The following IFT20 variants were observed in gnomAD, a reference collection of about 807,000 sequenced individuals.
IFT20 encodes intraflagellar transport 20, also known as intraflagellar transport protein 20 homolog.
A neutral mutation model predicts 16.9 loss-of-function variants in IFT20; 4 were observed. The observed-to-expected ratio is 0.24, with a 90% CI of 0.12 to 0.54. The LOEUF (loss-of-function observed/expected upper bound fraction) is 0.54, where lower values mean the gene tolerates loss of function less well. Among genes scored for constraint, IFT20 ranks in the 20% least tolerant of loss-of-function variants. The pLI, the probability that IFT20 is intolerant of heterozygous loss-of-function variation, is 0.95. For synonymous variants in IFT20, 48 were observed against 49.9 expected, an observed-to-expected ratio of 0.96 and a Z score of 0.16; for missense variants, 154 against 149.7, an observed-to-expected ratio of 1.03 and a Z score of -0.15.
At chr17:28,332,145 C>A (rs1400251809) in intron 1 of IFT20, 158 bp from the exon 2 acceptor site, 2 of 1,549,578 alleles carry the variant, frequency 1.3e-6, no homozygotes, top group Non-Finnish European at 1.7e-6. Flanking sequence ...CTGAGCCTCA[C>A]CTGTTTCCCA....
intron 3 of IFT20, 86 bp from the exon 4 acceptor site, chr17:28,329,362 C>G (rs1314150329): frequency 2.0e-6 from 2 of 1,011,222 alleles, no homozygotes; most frequent in African/African-American, 3.2e-5. Flanking sequence ...TATCTGGGAG[C>G]TGTGTCAGTC....
At position 28,335,325 on chromosome 17, in the gene IFT20, C is replaced by A. The variant is rs149487799; in HGVS notation, c.-3+15G>T. On this transcript the variant is annotated intron_variant, in intron 1 of 4. Transcript: ENST00000395418. Reference sequence around the variant, plus strand: ...CCCTGGTCCGCCCGCGTCCCCCGACCCGAGGTCAGCCTACCTGCCGGCCCC... The same window carrying A: ...CCCTGGTCCGCCCGCGTCCCCCGACACGAGGTCAGCCTACCTGCCGGCCCC... The A allele has an allele frequency of 6.6e-6, 1 of 152,292 alleles. No homozygotes were observed. Among genetic ancestry groups the A allele is most frequent in the Non-Finnish European group, 1.5e-5 (1 of 68,108 alleles). The allele number at this position is 152,292 out of a possible 1,614,324, so 9.4% of individuals were successfully genotyped here. A position where few individuals can be genotyped will look rare whatever the true frequency, so the allele number is the denominator to read the frequency against.
At chr17:28,332,213 G>T (rs1478931189) in intron 1 of IFT20, 6 of 1,536,308 alleles carry the variant, frequency 3.9e-6, no homozygotes, top group Non-Finnish European at 5.2e-6. Context: ...TCAGGAGGAG[G>T]TGTGTCATAG....
chr17:28,331,569 T>C (rs1268999731), intron 2 of IFT20: 3 of 376,782 alleles, frequency 8.0e-6, no homozygotes, highest in Admixed American at 4.0e-5. Context: ...ACCCAAGCCA[T>C]GGTTGTGTTC....
intron 1 of IFT20, among the ~76,000 whole-genome samples, chr17:28,334,885 C>T (rs1271203996): frequency 6.6e-6 from 1 of 152,166 alleles, no homozygotes; most frequent in East Asian, 1.9e-4. Context: ...GCTTGGCCCA[C>T]CTATCTGATT....
Position 28,332,003 on chromosome 17 carries a change from C to G in IFT20, c.-2-16G>C, listed in dbSNP as rs371663687. On this transcript the variant is annotated splice_polypyrimidine_tract_variant and intron_variant, in intron 1 of 4. Coordinates refer to ENST00000395418, the MANE Select transcript of IFT20 (RefSeq NM_001267776.2). ...TTGGCCATGGCTGTAAAGAAACAGG[C>G]CCAATTCCTCATCACTTCCCAGCCA... is the stretch of plus-strand genomic sequence containing the variant. The G allele has an allele frequency of 1.7e-4, 267 of 1,614,126 alleles. No homozygotes were observed. The African/African-American group carries it at 3.2e-3, about 19-fold the overall frequency.
intron 1 of IFT20, chr17:28,332,235 A>G (rs1906838912): frequency 1.3e-6 from 2 of 1,534,538 alleles, no homozygotes; most frequent in African/African-American, 2.7e-5. Flanking sequence ...AGCAAGGGTC[A>G]GGAAAGAATA....
intron 2 of IFT20, among the ~76,000 whole-genome samples, chr17:28,331,195 C>T (rs553414930): frequency 6.6e-6 from 1 of 152,350 alleles, no homozygotes; most frequent in South Asian, 2.1e-4. Context: ...CTGGATGTGA[C>T]AATTTACTGA....
chr17:28,329,086 A>C, intron 4 of IFT20, 87 bp downstream of exon 4: 1 of 867,568 alleles, frequency 1.2e-6, no homozygotes, highest in Non-Finnish European at 1.9e-6. Flanking sequence ...AACAATGATG[A>C]AGAATAAGGA....
chr17:28,334,960 T>C (rs1907043205), intron 1 of IFT20, among the ~76,000 whole-genome samples: 1 of 151,752 alleles, frequency 6.6e-6, no homozygotes, highest in African/African-American at 2.4e-5. Context: ...GTTCACAGAT[T>C]ATCTACCAAC....
intron 4 of IFT20, 85 bp from the exon 5 acceptor site, chr17:28,328,818 T>C (rs1597783497): frequency 1.2e-6 from 1 of 855,430 alleles, no homozygotes; most frequent in East Asian, 2.4e-5. Flanking sequence ...TATAGAGGTT[T>C]AAATGATTTC....
rs1906477288 is a variant in IFT20, at chr17:28,328,515, A to G, written c.*137T>C. ...CCCCCAGACTTGTAGTGCTGTCTTC[A>G]GGGGGCTGCATTCCTTACACGCCAC... On this transcript the variant is annotated 3_prime_UTR_variant, in exon 5 of 5. Transcript: ENST00000395418. 12 of 669,880 alleles carry G rather than the reference A, an allele frequency of 1.8e-5. 1 individual carries two copies. In the Admixed American group the frequency reaches 3.1e-4, roughly 17 times the overall value. The allele number at this position is 669,880 out of a possible 1,614,324, so 41.5% of individuals were successfully genotyped here.
intron 4 of IFT20, 70 bp downstream of exon 4, chr17:28,329,103 G>T: frequency 9.8e-7 from 1 of 1,018,860 alleles, no homozygotes; most frequent in Non-Finnish European, 1.5e-6. Context: ...AGGACAAGAA[G>T]TGATCATTCC....
chr17:28,335,047 G>C (rs950006184), intron 1 of IFT20, among the ~76,000 whole-genome samples: 1 of 152,194 alleles, frequency 6.6e-6, no homozygotes, highest in Admixed American at 6.5e-5. Flanking sequence ...AGCATGAGGC[G>C]GTGGCATACT....
intron 1 of IFT20, among the ~76,000 whole-genome samples, chr17:28,333,072 A>AACACAC (rs56753724): frequency 0.027 from 3,969 of 144,444 alleles, 90 homozygotes; most frequent in Middle Eastern, 0.086. Flanking sequence ...TCTGGCTCAA[A>AACACAC]ACACACACAC....
rs1555576032 is a variant in IFT20, at chr17:28,329,199, T to C, written c.291A>G (p.Ile97Met). Residue 97 changes from isoleucine (I) to methionine (M), a missense_variant, in exon 4 of 5, where the codon ATA becomes ATG. By Grantham distance (10) the Ile-to-Met change is conservative. Transcript: ENST00000395418. ...EAQQQQLQAL[I>M]AEKKMQLERY... ...TTTCTAGCTGCATTTTCTTTTCTGC[T>C]ATTAGGGCTTGAAGTTGCTGCTGTT... 6.2e-7 allele frequency: 1 copy of C among 1,614,082 alleles called. No individual in the cohort carries two copies. The highest frequency in any genetic ancestry group is 2.2e-5 in the East Asian group (1 of 44,880).
chr17:28,332,157 C>G, intron 1 of IFT20, 170 bp from the exon 2 acceptor site: 1 of 1,543,548 alleles, frequency 6.5e-7, no homozygotes, highest in Non-Finnish European at 8.7e-7. Context: ...TGTTTCCCAT[C>G]CAGGTTCCCT....
Position 28,328,699 on chromosome 17 carries a change from C to G in IFT20, c.352G>C (p.Glu118Gln). Residue 118 changes from glutamate (E) to glutamine (Q), a missense_variant, in exon 5 of 5, where the codon GAA (glutamate) becomes CAA (glutamine). By Grantham distance (29) the Glu-to-Gln change is conservative. Coordinates refer to ENST00000395418, the MANE Select transcript of IFT20 (RefSeq NM_001267776.2). ...RVEYEALCKV[E>Q]AEQNEFIDQF... is the part of the protein sequence containing the mutation. ...TCAATAAATTCATTTTGTTCTGCTT[C>G]TACTTTACACAAAGCTTCATATTCA... 6.2e-7 allele frequency: 1 copy of G among 1,603,922 alleles called. No individual in the cohort carries two copies. The highest frequency in any genetic ancestry group is 8.5e-7 in the Non-Finnish European group (1 of 1,176,164).
Position 28,328,607 on chromosome 17 carries a change from CTTTT to C in IFT20, c.*41_*44del. On this transcript the variant is annotated 3_prime_UTR_variant, in exon 5 of 5. Coordinates refer to ENST00000395418, the MANE Select transcript of IFT20 (RefSeq NM_001267776.2). ...CAGAGGTTTTTTTGGTTTTGAGAGG[CTTTT>C]TTTTGTTTTGCCTTCCTACTATAAA... The C allele has an allele frequency of 3.0e-6, 4 of 1,346,880 alleles. No individual in the cohort carries two copies. Among genetic ancestry groups the C allele is most frequent in the Non-Finnish European group, 4.2e-6 (4 of 961,030 alleles). The allele number at this position is 1,346,880 out of a possible 1,614,324, so 83.4% of individuals were successfully genotyped here. A position where few individuals can be genotyped will look rare whatever the true frequency, so the allele number is the denominator to read the frequency against.
Sources: allele counts gnomAD v4.1 joint callset (sites outside exome capture counted in the v4.1 genomes callset), GRCh38; gene constraint gnomAD v4.1.1; transcripts MANE v1.5; gene names NCBI Gene and HGNC (gene_info 2026-07-23, HGNC 2026-07-21).